Variants in SLCO1B3 observed in about 807,000 individuals in gnomAD.
SLCO1B3 encodes solute carrier organic anion transporter family member 1B3.
Under a neutral mutation model 71.8 loss-of-function variants are expected in SLCO1B3, and 72 were observed. The observed-to-expected ratio is 1.00, with a 90% CI of 0.83 to 1.22. The LOEUF is 1.22. SLCO1B3 is among the 50% of genes most tolerant of loss of function. SLCO1B3 has a pLI of 0.00. For missense variants in SLCO1B3, 911 were observed against 819.7 expected (o/e 1.11, Z -1.36); for synonymous variants, 298 against 278.4 (o/e 1.07, Z -0.70).
intron 4 of SLCO1B3, among the ~76,000 whole-genome samples, chr12:20,857,265 G>C (rs2121233179): frequency 6.6e-6 from 1 of 152,024 alleles, no homozygotes; most frequent in Middle Eastern, 3.4e-3. Context: ...TATTTCTGCT[G>C]GACAAACGTA....
chr12:20,901,548 A>T, intron 15 of SLCO1B3, 81 bp downstream of exon 15: 1 of 691,702 alleles, frequency 1.4e-6, no homozygotes, highest in Non-Finnish European at 2.5e-6. Flanking sequence ...TTTTAGTGTG[A>T]TCGTAATATT....
chr12:20,875,491 A>G lies in SLCO1B3; in HGVS notation c.970+14A>G. The G allele has an allele frequency of 1.9e-6, 3 of 1,590,510 alleles. No individual in the cohort carries two copies. The highest frequency in any genetic ancestry group is 2.6e-6 in the Non-Finnish European group (3 of 1,174,824). On this transcript the variant is annotated intron_variant, in intron 9 of 15. Coordinates refer to ENST00000381545, the MANE Select transcript of SLCO1B3 (RefSeq NM_019844.4). ...AAAATGTGACTGGTAGGTATTTGAC[A>G]TTCATTGTCAACTTGGAATTGTTAA...
intron 10 of SLCO1B3, among the ~76,000 whole-genome samples, chr12:20,878,930 A>T (rs1865635403): frequency 6.6e-6 from 1 of 152,106 alleles, no homozygotes; most frequent in Non-Finnish European, 1.5e-5. Context: ...GGAGTGAGTT[A>T]TTGAGGATTG....
At chr12:20,810,905 G>A (rs1479171403) in intron 1 of SLCO1B3, 141 bp downstream of exon 1, 1 of 152,072 alleles carries the variant, frequency 6.6e-6, no homozygotes, top group African/African-American at 2.4e-5. Context: ...TTTGTTCTGA[G>A]CCCTTAAAGC....
intron 7 of SLCO1B3, 51 bp downstream of exon 7, chr12:20,862,609 C>G (rs375296995): frequency 4.0e-5 from 61 of 1,518,420 alleles, no homozygotes; most frequent in Non-Finnish European, 5.4e-5. Flanking sequence ...TGGATCTACC[C>G]TTGAAATAAT....
At chr12:20,824,451 C>T (rs573387073) in intron 3 of SLCO1B3, among the ~76,000 whole-genome samples, 1 of 152,154 alleles carries the variant, frequency 6.6e-6, no homozygotes, top group South Asian at 2.1e-4. Context: ...AGTTCAATAG[C>T]AGATTACAAA....
chr12:20,855,233 C>A, intron 4 of SLCO1B3, 64 bp downstream of exon 4: 1 of 1,365,010 alleles, frequency 7.3e-7, no homozygotes, highest in Non-Finnish European at 1.0e-6. Flanking sequence ...ACTGTTCATG[C>A]ATGCTTTATA....
intron 5 of SLCO1B3, 166 bp downstream of exon 5, chr12:20,858,737 T>G (rs1037507631): frequency 2.5e-5 from 11 of 440,824 alleles, no homozygotes; most frequent in Admixed American, 4.0e-5. Flanking sequence ...ATGTATTGCT[T>G]TATTCATCAT....
intron 8 of SLCO1B3, among the ~76,000 whole-genome samples, chr12:20,873,801 CT>C: frequency 6.6e-6 from 1 of 152,218 alleles, no homozygotes; most frequent in East Asian, 1.9e-4. Context: ...TATTGTTCCC[CT>C]CTTTGTGTTT....
At chr12:20,875,712 G>C (rs755775795) in intron 9 of SLCO1B3, among the ~76,000 whole-genome samples, 1 of 152,012 alleles carries the variant, frequency 6.6e-6, no homozygotes, top group African/African-American at 2.4e-5. Context: ...CCAATCAAAG[G>C]CTACAAACAT....
chr12:20,904,237 C>CT (rs1233425647), intron 15 of SLCO1B3, among the ~76,000 whole-genome samples: 2 of 7,980 alleles, frequency 2.5e-4, no homozygotes, highest in African/African-American at 4.7e-4. Context: ...GAGACTCTGT[C>CT]TAAAAAAAAA....
intron 3 of SLCO1B3, among the ~76,000 whole-genome samples, chr12:20,821,299 T>A (rs1488808179): frequency 6.6e-6 from 1 of 152,198 alleles, no homozygotes; most frequent in East Asian, 1.9e-4. Flanking sequence ...AGTGCCGTTT[T>A]TCTGGCAATT....
At position 20,877,798 on chromosome 12, in the gene SLCO1B3, C is replaced by G. The variant is rs765840736; in HGVS notation, c.997C>G (p.Leu333Val). ...TTTTTTCCAGTCTTTGAAAAGCATC[C>G]TTACCAATCCCCTGTATGTTATATT... Reference protein sequence around the residue: ...TGFFQSLKSILTNPLYVIFLL... With the variant: ...TGFFQSLKSIVTNPLYVIFLL... Residue 333 changes from leucine (L) to valine (V), a missense_variant, in exon 10 of 16, where the codon CTT becomes GTT. Transcript: ENST00000381545. The G allele has an allele frequency of 6.7e-7, 1 of 1,485,732 alleles. No individual in the cohort carries two copies. Among genetic ancestry groups the G allele is most frequent in the East Asian group, 2.6e-5 (1 of 38,842 alleles). The allele number at this position is 1,485,732 out of a possible 1,614,324, so 92.0% of individuals were successfully genotyped here.
In SLCO1B3 at chr12:20,836,490, A is replaced by G. The variant is rs142025364; in HGVS notation, c.85-18538A>G. On this transcript the variant is annotated intron_variant, in intron 3 of 15. Coordinates refer to ENST00000381545, the MANE Select transcript of SLCO1B3 (RefSeq NM_019844.4). The stretch of plus-strand genomic sequence containing the variant: ...TTGTAATATCTTGGATTTTAGTATC[A>G]GGGTAATGCTGGCCTCATGGAATAA... 3.4e-4 allele frequency among the ~76,000 whole-genome samples: 52 copies of G among 152,252 alleles called. 1 individual carries two copies. Among genetic ancestry groups the G allele is most frequent in the African/African-American group, 1.2e-3 (50 of 41,550 alleles).
chr12:20,815,373 C>T (rs934239432), intron 2 of SLCO1B3, among the ~76,000 whole-genome samples: 3 of 151,914 alleles, frequency 2.0e-5, no homozygotes, highest in Admixed American at 6.6e-5. Flanking sequence ...ATTTTAATTT[C>T]TATAATTTAA....
At chr12:20,886,106 G>A (rs1865787970) in intron 13 of SLCO1B3, among the ~76,000 whole-genome samples, 1 of 152,060 alleles carries the variant, frequency 6.6e-6, no homozygotes, top group African/African-American at 2.4e-5. Context: ...TGTGGCATGT[G>A]ACAAAGATAA....
chr12:20,910,799 T>G (rs2120447696), intron 15 of SLCO1B3, among the ~76,000 whole-genome samples: 1 of 152,328 alleles, frequency 6.6e-6, no homozygotes, highest in South Asian at 2.1e-4. Flanking sequence ...TTTGGCATAT[T>G]AATCTTATAT....
chr12:20,839,517 A>T (rs1864752081), intron 3 of SLCO1B3, among the ~76,000 whole-genome samples: 1 of 152,138 alleles, frequency 6.6e-6, no homozygotes, highest in Non-Finnish European at 1.5e-5. Flanking sequence ...AGTCAAATGC[A>T]ATTCTTATCT....
chr12:20,832,650 T>C (rs1239276112), intron 3 of SLCO1B3, among the ~76,000 whole-genome samples: 1 of 152,140 alleles, frequency 6.6e-6, no homozygotes, highest in Non-Finnish European at 1.5e-5. Flanking sequence ...ATGGTGGCCT[T>C]TTTGCTGTTT....
Sources: allele counts gnomAD v4.1 joint callset (sites outside exome capture counted in the v4.1 genomes callset), GRCh38; gene constraint gnomAD v4.1.1; transcripts MANE v1.5; gene names NCBI Gene and HGNC (gene_info 2026-07-23, HGNC 2026-07-21).